ABCA1: variants seen among roughly 807,000 people sequenced by gnomAD.
The protein encoded by ABCA1 is phospholipid-transporting ATPase ABCA1.
In ABCA1, 133 loss-of-function variants were observed where a neutral mutation model predicts 262.5. The observed-to-expected ratio is 0.51, with a 90% CI of 0.44 to 0.59. The LOEUF (loss-of-function observed/expected upper bound fraction) is 0.59. Among genes scored for constraint, ABCA1 ranks in the 20% least tolerant of loss-of-function variants. The pLI is 0.00. For missense variants in ABCA1, 2,452 were observed against 2,777.5 expected, an observed-to-expected ratio of 0.88 and a Z score of 2.63; for synonymous variants, 1,022 against 1,043.5, an observed-to-expected ratio of 0.98 and a Z score of 0.40.
chr9:104,893,756 G>A (rs1212732350), intron 2 of ABCA1, among the ~76,000 whole-genome samples: 1 of 152,174 alleles, frequency 6.6e-6, no homozygotes, highest in Non-Finnish European at 1.5e-5. Context: ...GAGATGAGCA[G>A]CCAATTCTAC....
chr9:104,825,720 A>C lies in ABCA1; in HGVS notation c.2505T>G (p.Tyr835Ter). The C allele has an allele frequency of 6.2e-7, 1 of 1,614,240 alleles. No homozygotes were observed. Among genetic ancestry groups the C allele is most frequent in the South Asian group, 1.1e-5 (1 of 91,080 alleles). The change falls in exon 17 of 50, where the codon TAT becomes TAG. Residue 835 changes from tyrosine (Y) to a stop codon, truncating the protein, a stop_gained. Transcript: ENST00000374736. LOFTEE classifies it high-confidence loss of function. ...VSMMLFDTFLYGVMTWYIEAV... is the reference protein window; with the variant it reads ...VSMMLFDTFL ...CCTCAATGTACCAGGTCATCACCCCATAGAGGAAGGTGTCAAACAGCATCA... is the reference window on the plus strand; with the variant it reads ...CCTCAATGTACCAGGTCATCACCCCCTAGAGGAAGGTGTCAAACAGCATCA...
chr9:104,908,580 GA>G (rs2118464619), intron 1 of ABCA1, among the ~76,000 whole-genome samples: 1 of 152,336 alleles, frequency 6.6e-6, no homozygotes, highest in South Asian at 2.1e-4. Context: ...AGAATTGCTT[GA>G]ACCTGGGAGG....
chr9:104,812,677 G>A lies in ABCA1; in HGVS notation c.3947C>T (p.Ser1316Phe), dbSNP rs755089987. The A allele has an allele frequency of 3.7e-6, 6 of 1,614,204 alleles. No individual in the cohort carries two copies. Among genetic ancestry groups the A allele is most frequent in the Non-Finnish European group, 5.1e-6 (6 of 1,180,034 alleles). Residue 1316 changes from serine (S) to phenylalanine (F), a missense_variant, in exon 28 of 50, where the codon TCC becomes TTC. This residue lies in a region of ABCA1 where 665 missense variants were observed against 727.3 expected (regional missense o/e 0.91). Transcript: ENST00000374736. ...DLLSGMDGKG[S>F]YQVKGWKLTQ... ...AAGTTTCCAGCCTTTCACCTGGTAG[G>A]ACCCTTTGCCATCCATCCCACTGAG... is the stretch of plus-strand genomic sequence containing the variant.
intron 2 of ABCA1, among the ~76,000 whole-genome samples, chr9:104,899,452 G>A (rs1840481047): frequency 6.6e-6 from 1 of 152,150 alleles, no homozygotes; most frequent in Admixed American, 6.5e-5. Flanking sequence ...CCAGCAGATT[G>A]GAAGGCTGAG....
intron 3 of ABCA1, among the ~76,000 whole-genome samples, 169 bp from the exon 4 acceptor site, chr9:104,884,737 TC>T (rs754429290): frequency 6.6e-6 from 1 of 152,172 alleles, no homozygotes; most frequent in Non-Finnish European, 1.5e-5. Flanking sequence ...AAACTTGGCC[TC>T]ACATGCCATT....
At chr9:104,869,006 G>A (rs1588458356) in intron 5 of ABCA1, among the ~76,000 whole-genome samples, 1 of 151,182 alleles carries the variant, frequency 6.6e-6, no homozygotes. Flanking sequence ...GGAAGAGAGG[G>A]GTGAAGGAGC....
In ABCA1 at chr9:104,837,022, G is replaced by C; in HGVS notation, c.1269C>G (p.Ile423Met). 1 of 1,614,176 alleles carries C rather than the reference G, an allele frequency of 6.2e-7. No homozygotes were observed. The highest frequency in any genetic ancestry group is 8.5e-7 in the Non-Finnish European group (1 of 1,180,036). ...CTTGGCTGTTCTCCATGAAGGTCCA[G>C]ATCTTGGGGCTGAGTTCCTCCCACA... ...EGMWEELSPK[I>M]WTFMENSQEM... Residue 423 changes from isoleucine to methionine, a missense_variant, in exon 11 of 50, where the codon ATC becomes ATG. Physicochemically the swap from Ile to Met is conservative, Grantham distance 10. This residue lies in a region of ABCA1 where 1,032 missense variants were observed against 1,089.7 expected (regional missense o/e 0.95). Transcript: ENST00000374736.
intron 5 of ABCA1, among the ~76,000 whole-genome samples, chr9:104,882,462 C>A (rs559829848): frequency 1.3e-5 from 2 of 152,192 alleles, no homozygotes; most frequent in African/African-American, 4.8e-5. Context: ...TCAGAAAATG[C>A]CCACTCCCCA....
intron 39 of ABCA1, 106 bp downstream of exon 39, chr9:104,795,947 G>T (rs1829858551): frequency 1.4e-6 from 2 of 1,457,548 alleles, no homozygotes; most frequent in Non-Finnish European, 1.9e-6. Flanking sequence ...AAGGCAGTCA[G>T]CAGTGTCAAT....
chr9:104,850,046 G>A (rs1835238920), intron 7 of ABCA1, among the ~76,000 whole-genome samples: 1 of 152,226 alleles, frequency 6.6e-6, no homozygotes, highest in Non-Finnish European at 1.5e-5. Flanking sequence ...AGCTGTACCT[G>A]TAATGTTTTA....
intron 44 of ABCA1, among the ~76,000 whole-genome samples, chr9:104,790,096 CAA>C (rs35840899): frequency 1.5e-5 from 2 of 135,302 alleles, no homozygotes; most frequent in Non-Finnish European, 1.6e-5. Context: ...AACTCCGTCT[CAA>C]AAAAAAAAAA....
chr9:104,811,424 C>T (rs1194956027), intron 28 of ABCA1, among the ~76,000 whole-genome samples: 1 of 152,206 alleles, frequency 6.6e-6, no homozygotes, highest in Non-Finnish European at 1.5e-5. Context: ...TCAAATCCTA[C>T]ACTATAATAA....
chr9:104,885,319 C>A (rs1462968192), intron 3 of ABCA1, among the ~76,000 whole-genome samples: 3 of 152,290 alleles, frequency 2.0e-5, no homozygotes, highest in South Asian at 2.1e-4. Flanking sequence ...GGGAGTAGAA[C>A]CCCCATCTCC....
intron 7 of ABCA1, chr9:104,855,883 A>G: frequency 6.2e-7 from 1 of 1,612,894 alleles, no homozygotes; most frequent in African/African-American, 1.3e-5. Context: ...CTTGGCTGGA[A>G]ACAGGGAAAC....
chr9:104,844,645 G>A (rs553017123), intron 8 of ABCA1, among the ~76,000 whole-genome samples: 19 of 152,254 alleles, frequency 1.2e-4, no homozygotes, highest in East Asian at 1.2e-3. Context: ...AAAGAAAAAC[G>A]GATTAGAGAA....
At chr9:104,920,017 G>T (rs1409004039) in intron 1 of ABCA1, among the ~76,000 whole-genome samples, 1 of 152,180 alleles carries the variant, frequency 6.6e-6, no homozygotes, top group African/African-American at 2.4e-5. Flanking sequence ...TCTAATTAAA[G>T]GACCACCCCT....
chr9:104,915,802 T>A (rs536147431), intron 1 of ABCA1, among the ~76,000 whole-genome samples: 1 of 151,942 alleles, frequency 6.6e-6, no homozygotes, highest in Non-Finnish European at 1.5e-5. Flanking sequence ...CACAATCCAA[T>A]CCCCCAAGCA....
chr9:104,818,268 G>A (rs2118959942), intron 23 of ABCA1, among the ~76,000 whole-genome samples: 1 of 152,094 alleles, frequency 6.6e-6, no homozygotes, highest in South Asian at 2.1e-4. Flanking sequence ...CATGAAATCA[G>A]TGCCTAATAA....
At chr9:104,893,329 G>A (rs758628393) in intron 2 of ABCA1, among the ~76,000 whole-genome samples, 1 of 145,616 alleles carries the variant, frequency 6.9e-6, no homozygotes, top group Non-Finnish European at 1.5e-5. Context: ...GGCTGAGGCA[G>A]GAGAACTGTT....
Sources: allele counts gnomAD v4.1 joint callset (sites outside exome capture counted in the v4.1 genomes callset), GRCh38; gene constraint gnomAD v4.1.1; regional missense constraint gnomAD v4.1.1; transcripts MANE v1.5; gene names NCBI Gene and HGNC (gene_info 2026-07-23, HGNC 2026-07-21).